Variants in NBEA observed in about 807,000 individuals in gnomAD.
NBEA encodes lysosomal-trafficking regulator 2.
NBEA carries 44 observed loss-of-function variants against 343.4 expected under a neutral mutation model. The ratio of observed to expected loss-of-function variants is 0.13; its 90% CI spans 0.10 to 0.16. NBEA has a LOEUF of 0.16. Among genes scored for constraint, NBEA ranks in the 10% least tolerant of loss-of-function variants. The pLI, the probability that NBEA is intolerant of heterozygous loss-of-function variation, is 1.00. For synonymous variants in NBEA, 1,175 were observed against 1,238.7 expected, an observed-to-expected ratio of 0.95 and a Z score of 1.08; for missense variants, 2,555 against 3,631.3, an observed-to-expected ratio of 0.70 and a Z score of 7.62.
intron 1 of NBEA, among the ~76,000 whole-genome samples, chr13:34,967,374 G>A (rs188214070): frequency 1.3e-5 from 2 of 150,512 alleles, no homozygotes; most frequent in Non-Finnish European, 3.0e-5. Context: ...AAGCAAAACT[G>A]AGACCTCGTC....
intron 31 of NBEA, among the ~76,000 whole-genome samples, chr13:35,202,561 G>C (rs1227007899): frequency 1.3e-5 from 2 of 152,070 alleles, no homozygotes; most frequent in Non-Finnish European, 2.9e-5. Flanking sequence ...TAGTATCCCT[G>C]TTTTTACAAA....
intron 17 of NBEA, among the ~76,000 whole-genome samples, chr13:35,136,726 G>C (rs1469378415): frequency 6.6e-6 from 1 of 152,182 alleles, no homozygotes; most frequent in Admixed American, 6.5e-5. Flanking sequence ...AAGAAGGTGT[G>C]ACCCGAGAAT....
chr13:35,579,060 A>G (rs745874291), intron 45 of NBEA, among the ~76,000 whole-genome samples: 12 of 152,258 alleles, frequency 7.9e-5, no homozygotes, highest in East Asian at 1.9e-4. Flanking sequence ...CCAGATGTCA[A>G]ACTTTTGGAT....
chr13:35,518,872 T>C (rs2077588441), intron 41 of NBEA, among the ~76,000 whole-genome samples: 1 of 152,162 alleles, frequency 6.6e-6, no homozygotes. Flanking sequence ...GCTGACACTT[T>C]CCACTGCATG....
chr13:35,615,642 G>A (rs2082708680), intron 48 of NBEA, among the ~76,000 whole-genome samples: 1 of 152,120 alleles, frequency 6.6e-6, no homozygotes, highest in African/African-American at 2.4e-5. Context: ...ACCATGCTCG[G>A]CCCCATTGAG....
At chr13:35,544,616 T>G (rs2078985450) in intron 41 of NBEA, among the ~76,000 whole-genome samples, 1 of 152,186 alleles carries the variant, frequency 6.6e-6, no homozygotes, top group Admixed American at 6.5e-5. Flanking sequence ...CTATGTACCT[T>G]ACTTTCTATG....
At chr13:35,668,558 G>A in intron 58 of NBEA, 39 bp downstream of exon 58, 3 of 1,513,020 alleles carry the variant, frequency 2.0e-6, no homozygotes, top group South Asian at 2.6e-5. Flanking sequence ...ACTGAGAACT[G>A]TCATTGAAGG....
intron 38 of NBEA, among the ~76,000 whole-genome samples, chr13:35,424,990 G>A (rs922697559): frequency 1.3e-5 from 2 of 152,136 alleles, no homozygotes; most frequent in Admixed American, 6.5e-5. Context: ...GATCGGTGGT[G>A]ATATACCCTT....
At chr13:35,439,982 C>T (rs1017771343) in intron 39 of NBEA, among the ~76,000 whole-genome samples, 70 of 152,290 alleles carry the variant, frequency 4.6e-4, no homozygotes, top group Non-Finnish European at 7.4e-5. Context: ...CAGGTTCAAG[C>T]GATTCTCCCA....
chr13:35,090,237 C>T (rs984208472), intron 10 of NBEA, among the ~76,000 whole-genome samples: 5 of 151,748 alleles, frequency 3.3e-5, no homozygotes, highest in African/African-American at 1.2e-4. Flanking sequence ...TTTCACCATC[C>T]TATTTCAGAG....
chr13:35,278,375 A>G (rs1364878037), intron 34 of NBEA, among the ~76,000 whole-genome samples: 1 of 152,110 alleles, frequency 6.6e-6, no homozygotes, highest in Non-Finnish European at 1.5e-5. Flanking sequence ...ATGGCAATAC[A>G]ATGCAATGTA....
chr13:35,001,599 CAT>C (rs1270694841), intron 1 of NBEA, among the ~76,000 whole-genome samples: 4 of 152,094 alleles, frequency 2.6e-5, no homozygotes, highest in South Asian at 2.1e-4. Context: ...TGTTCTCACT[CAT>C]ATGTGGAAGA....
chr13:35,340,048 C>CA (rs145354156), intron 36 of NBEA, among the ~76,000 whole-genome samples: 1,652 of 152,170 alleles, frequency 0.011, 13 homozygotes, highest in Non-Finnish European at 0.018. Context: ...TTGGAGTAGT[C>CA]ACTATGGAAA....
intron 41 of NBEA, among the ~76,000 whole-genome samples, chr13:35,515,501 G>A (rs186652118): frequency 1.6e-4 from 25 of 152,244 alleles, no homozygotes; most frequent in African/African-American, 5.8e-4. Context: ...ATGTGTGTTT[G>A]GCAGCTTTGA....
chr13:35,401,626 C>T (rs1032297314), intron 38 of NBEA, among the ~76,000 whole-genome samples: 1 of 151,988 alleles, frequency 6.6e-6, no homozygotes, highest in African/African-American at 2.4e-5. Flanking sequence ...AGAAAATCTT[C>T]TAGCTCTTTT....
At chr13:35,173,681 C>A in intron 27 of NBEA, 87 bp downstream of exon 27, 2 of 1,335,528 alleles carry the variant, frequency 1.5e-6, no homozygotes, top group Non-Finnish European at 1.0e-6. Context: ...CATGGTATTG[C>A]TCAGTGATAG....
intron 39 of NBEA, among the ~76,000 whole-genome samples, chr13:35,448,371 G>C (rs914863148): frequency 6.6e-5 from 10 of 152,000 alleles, no homozygotes; most frequent in African/African-American, 2.2e-4. Flanking sequence ...ACACTTAAAG[G>C]CTTTTTTGAC....
In NBEA at chr13:35,184,080, G is replaced by T; in HGVS notation, c.4927+9G>T. The T allele has an allele frequency of 6.3e-7, 1 of 1,581,690 alleles. No homozygotes were observed. The highest frequency in any genetic ancestry group is 8.7e-7 in the Non-Finnish European group (1 of 1,153,150). On this transcript the variant is annotated intron_variant, in intron 30 of 58. Coordinates refer to ENST00000379939, the MANE Select transcript of NBEA (RefSeq NM_001385012.1). ...CCACTCATTTTACAAAGGTAATACT[G>T]ACCTCATCTCCTGACCTGTTTGGGT...
chr13:35,121,100 G>GT (rs936738824), intron 16 of NBEA, among the ~76,000 whole-genome samples: 53 of 151,566 alleles, frequency 3.5e-4, no homozygotes, highest in Admixed American at 7.9e-4. Context: ...GACTGTGAGG[G>GT]TTTTTTTTAA....
Sources: gnomAD v4.1 joint callset for allele counts (sites outside exome capture counted in the v4.1 genomes callset) on GRCh38, gnomAD v4.1.1 for gene constraint, MANE v1.5 for transcripts, NCBI Gene and HGNC (gene_info 2026-07-23, HGNC 2026-07-21) for gene names.